SUSD1: variants seen among roughly 807,000 people sequenced by gnomAD.
SUSD1 encodes the protein sushi domain containing 1, also known as sushi domain-containing protein 1.
Under a neutral mutation model 86.9 loss-of-function variants are expected in SUSD1, and 65 were observed. The ratio of observed to expected loss-of-function variants is 0.75; its 90% CI spans 0.61 to 0.92. The LOEUF (loss-of-function observed/expected upper bound fraction) is 0.92, where lower values mean the gene tolerates loss of function less well. Ranked by LOEUF, SUSD1 falls within the 40% of genes least tolerant of loss-of-function variation. The pLI, the probability that SUSD1 is intolerant of heterozygous loss-of-function variation, is 0.00. For missense variants in SUSD1, 850 were observed against 929.7 expected, an observed-to-expected ratio of 0.91 and a Z score of 1.11; for synonymous variants, 346 against 350.0, an observed-to-expected ratio of 0.99 and a Z score of 0.13.
chr9:112,115,995 A>G (rs2131662704), intron 6 of SUSD1, among the ~76,000 whole-genome samples: 2 of 152,090 alleles, frequency 1.3e-5, no homozygotes, highest in Middle Eastern at 3.4e-3. Flanking sequence ...TGCCCTTCAA[A>G]GCCCCAGAGC....
intron 11 of SUSD1, among the ~76,000 whole-genome samples, chr9:112,079,843 C>T (rs1455039184): frequency 2.0e-5 from 3 of 152,128 alleles, no homozygotes; most frequent in Non-Finnish European, 4.4e-5. Context: ...CTCAAGTGAT[C>T]CGCCCGCCTC....
chr9:112,155,710 C>T (rs985238616), intron 2 of SUSD1, among the ~76,000 whole-genome samples: 5 of 151,722 alleles, frequency 3.3e-5, no homozygotes, highest in Admixed American at 3.3e-4. Context: ...ACCTATAATC[C>T]CAGCACTTTA....
In SUSD1 at chr9:112,053,508, C is replaced by A. The variant is rs554575798; in HGVS notation, c.2110-1070G>T. ...CAGCCTGGGCAACAGAATGAGACTT[C>A]GTCTCAAAAAAAAAAAAAAAAAAAA... is the stretch of plus-strand genomic sequence containing the variant. On this transcript the variant is annotated intron_variant, in intron 14 of 16. Coordinates refer to ENST00000374270, the MANE Select transcript of SUSD1 (RefSeq NM_022486.5). 1.0e-3 allele frequency among the ~76,000 whole-genome samples: 76 copies of A among 73,472 alleles called. 2 individuals are homozygous for A. In the East Asian group the frequency reaches 0.021, roughly 21 times the overall value. 48.2% of individuals were successfully genotyped at this position (73,472 alleles called of 152,430 possible). A position where few individuals can be genotyped will look rare whatever the true frequency, so the allele number is the denominator to read the frequency against.
chr9:112,074,794 G>T (rs1289284719), intron 12 of SUSD1, among the ~76,000 whole-genome samples: 29 of 137,178 alleles, frequency 2.1e-4, no homozygotes, highest in East Asian at 1.1e-3. Flanking sequence ...AAAGGGGTTG[G>T]TTTTTTTTTT....
chr9:112,102,217 T>C lies in SUSD1; in HGVS notation c.1240A>G (p.Asn414Asp). ...SIFNETCLKL[N>D]RRSRKVGSEH... ...GATCCAACTTTCCTAGAACGCCTGT[T>C]CAATTTCAAACAAGTTTCATTAAAT... The change falls in exon 9 of 17, where the codon AAC becomes GAC. Residue 414 changes from asparagine (N) to aspartate (D), a missense_variant. Coordinates refer to ENST00000374270, the MANE Select transcript of SUSD1 (RefSeq NM_022486.5). 1 of 1,603,608 alleles carries C rather than the reference T, an allele frequency of 6.2e-7. No homozygotes were observed. The highest frequency in any genetic ancestry group is 8.5e-7 in the Non-Finnish European group (1 of 1,175,360).
intron 8 of SUSD1, among the ~76,000 whole-genome samples, chr9:112,109,532 C>T (rs1405265101): frequency 6.6e-6 from 1 of 152,190 alleles, no homozygotes; most frequent in African/African-American, 2.4e-5. Context: ...CAAATATAAT[C>T]CAATTCCCTT....
chr9:112,154,351 A>AAAG (rs1554774532), intron 2 of SUSD1, among the ~76,000 whole-genome samples: 19 of 141,802 alleles, frequency 1.3e-4, no homozygotes, highest in African/African-American at 4.6e-4. Context: ...AAAAAAAAAA[A>AAAG]AGAGAGAGAA....
intron 9 of SUSD1, among the ~76,000 whole-genome samples, chr9:112,101,503 A>G (rs1399877237): frequency 1.3e-5 from 2 of 152,210 alleles, no homozygotes; most frequent in East Asian, 3.8e-4. Flanking sequence ...GATGTTTAAG[A>G]AAAAATCAAG....
intron 5 of SUSD1, among the ~76,000 whole-genome samples, chr9:112,136,423 A>G (rs977300690): frequency 6.6e-6 from 1 of 152,102 alleles, no homozygotes; most frequent in African/African-American, 2.4e-5. Flanking sequence ...TCGTAGAGAC[A>G]AGGTCTCACT....
rs1329532036 is a variant in SUSD1, at chr9:112,175,223, GC to G, written c.12del (p.Trp6GlyfsTer31). The G allele has an allele frequency of 1.2e-5, 14 of 1,155,370 alleles. No homozygotes were observed. The East Asian group carries it at 1.2e-4, about 10-fold the overall frequency. 71.6% of individuals were successfully genotyped at this position (1,155,370 alleles called of 1,614,324 possible). ...CGGCGAGACGGGCCCGCATCCCAGG[GC>G]CCCCGGCCCATGCCGCCGCCGGTCC... MGR[G>X]PWDAGPSRRL... On this transcript the variant is annotated frameshift_variant, in exon 1 of 17. Coordinates refer to ENST00000374270, the MANE Select transcript of SUSD1 (RefSeq NM_022486.5). LOFTEE classifies it high-confidence loss of function. This position sits in a 1 kb window ranked among gnomAD's most constrained non-coding sequence, Gnocchi z 4.7.
intron 1 of SUSD1, among the ~76,000 whole-genome samples, chr9:112,164,375 GT>G (rs1833692114): frequency 6.6e-6 from 1 of 152,038 alleles, no homozygotes; most frequent in Admixed American, 6.6e-5. Context: ...CTGGATCTCA[GT>G]TTTTTCACCT....
chr9:112,052,326 G>C (rs753342276), intron 15 of SUSD1, 73 bp downstream of exon 15: 6 of 1,612,034 alleles, frequency 3.7e-6, no homozygotes, highest in Non-Finnish European at 8.5e-7. Context: ...TATATAAACA[G>C]ATCTCATCAA....
intron 15 of SUSD1, among the ~76,000 whole-genome samples, chr9:112,048,621 A>T (rs1828057220): frequency 6.6e-6 from 1 of 152,230 alleles, no homozygotes; most frequent in South Asian, 2.1e-4. Context: ...AATGCCCTTC[A>T]AGGGTGTAAA....
At chr9:112,072,822 C>T (rs935338793) in intron 12 of SUSD1, among the ~76,000 whole-genome samples, 3 of 152,216 alleles carry the variant, frequency 2.0e-5, no homozygotes, top group Non-Finnish European at 4.4e-5. Flanking sequence ...GAGCCTGTGT[C>T]CACGGAAGAC....
intron 8 of SUSD1, among the ~76,000 whole-genome samples, chr9:112,109,214 G>A (rs1372368166): frequency 6.6e-6 from 1 of 152,208 alleles, no homozygotes; most frequent in Non-Finnish European, 1.5e-5. Context: ...TGAAAGGGGT[G>A]AAACTTCAAC....
chr9:112,145,278 CTTTTT>C (rs1262953487), intron 3 of SUSD1, among the ~76,000 whole-genome samples: 4 of 107,442 alleles, frequency 3.7e-5, no homozygotes, highest in African/African-American at 6.3e-5. Flanking sequence ...CCATAATTTC[CTTTTT>C]TTTTTTTTTT....
intron 13 of SUSD1, 148 bp from the exon 14 acceptor site, chr9:112,058,834 A>T (rs531003057): frequency 1.0e-6 from 1 of 966,962 alleles, no homozygotes. Context: ...TTGCTCTGTC[A>T]CTAGGCTGGA....
At chr9:112,101,771 C>T (rs1049664730) in intron 9 of SUSD1, among the ~76,000 whole-genome samples, 4 of 152,014 alleles carry the variant, frequency 2.6e-5, no homozygotes, top group Non-Finnish European at 4.4e-5. Flanking sequence ...GCTTGAACCC[C>T]GGAGGCAGAG....
chr9:112,122,760 C>T (rs1831605770), intron 6 of SUSD1, among the ~76,000 whole-genome samples: 1 of 152,062 alleles, frequency 6.6e-6, no homozygotes, highest in African/African-American at 2.4e-5. Context: ...AATGGATAAA[C>T]AAAACATGGG....
Sources: allele counts gnomAD v4.1 joint callset (sites outside exome capture counted in the v4.1 genomes callset), GRCh38; gene constraint gnomAD v4.1.1; non-coding constraint Gnocchi (gnomAD v3.1); transcripts MANE v1.5; gene names NCBI Gene and HGNC (gene_info 2026-07-23, HGNC 2026-07-21).